The following FBXL13 variants were observed in gnomAD, a reference collection of about 807,000 sequenced individuals.
FBXL13 encodes the protein F-box and leucine rich repeat protein 13.
A neutral mutation model predicts 83.6 loss-of-function variants in FBXL13; 67 were observed. That is an observed-to-expected ratio of 0.80 (90% CI 0.66 to 0.98). FBXL13 has a LOEUF of 0.98. Ranked by LOEUF, FBXL13 falls within the 50% of genes least tolerant of loss-of-function variation. The pLI is 0.00. For synonymous variants in FBXL13, 272 were observed against 299.5 expected, an observed-to-expected ratio of 0.91 and a Z score of 0.95; for missense variants, 822 against 866.5, an observed-to-expected ratio of 0.95 and a Z score of 0.64.
At chr7:102,843,303 C>T (rs139500360) in intron 17 of FBXL13, among the ~76,000 whole-genome samples, 16 of 151,888 alleles carry the variant, frequency 1.1e-4, no homozygotes, top group Admixed American at 3.9e-4. Context: ...ATTACCTGGG[C>T]GTGGTGGCGC....
chr7:102,970,843 TAAG>T (rs1362743976), intron 6 of FBXL13, among the ~76,000 whole-genome samples: 4 of 152,136 alleles, frequency 2.6e-5, no homozygotes, highest in Non-Finnish European at 5.9e-5. Context: ...GCGACTCAGC[TAAG>T]AAGAGAATCA....
chr7:102,818,140 C>T (rs1324676981), intron 19 of FBXL13, among the ~76,000 whole-genome samples: 1 of 152,214 alleles, frequency 6.6e-6, no homozygotes, highest in Non-Finnish European at 1.5e-5. Context: ...GTTGGAGCCA[C>T]CACCAAGGAC....
intron 6 of FBXL13, among the ~76,000 whole-genome samples, chr7:102,998,328 T>C (rs1790028683): frequency 1.3e-5 from 2 of 152,214 alleles, no homozygotes; most frequent in Admixed American, 6.5e-5. Context: ...TGCAAATATT[T>C]TCTCCTATTC....
chr7:103,009,825 C>T (rs1791406117), intron 6 of FBXL13, among the ~76,000 whole-genome samples: 1 of 152,228 alleles, frequency 6.6e-6, no homozygotes, highest in Non-Finnish European at 1.5e-5. Flanking sequence ...GCAACACTTG[C>T]TAGAGCTTGC....
At chr7:102,965,299 T>C (rs1440668715) in intron 7 of FBXL13, among the ~76,000 whole-genome samples, 1 of 152,192 alleles carries the variant, frequency 6.6e-6, no homozygotes, top group Non-Finnish European at 1.5e-5. Flanking sequence ...ATGTTGGCTA[T>C]GACTTAACTA....
At chr7:102,964,870 T>G (rs908854614) in intron 7 of FBXL13, among the ~76,000 whole-genome samples, 2 of 152,204 alleles carry the variant, frequency 1.3e-5, no homozygotes, top group African/African-American at 4.8e-5. Context: ...TGTCTTTCGA[T>G]AGGAGACAGA....
intron 16 of FBXL13, among the ~76,000 whole-genome samples, chr7:102,861,608 A>G (rs1307471486): frequency 6.6e-6 from 1 of 152,258 alleles, no homozygotes; most frequent in Non-Finnish European, 1.5e-5. Context: ...TAGTACACCC[A>G]GAATATTCTG....
chr7:102,854,799 C>T (rs1243175621), exon 17 of FBXL13: 2 of 1,587,238 alleles, frequency 1.3e-6, no homozygotes, highest in African/African-American at 2.7e-5. Context: ...ATCAGTGATT[C>T]TATAACATTC....
At chr7:102,981,667 T>G (rs1828243756) in intron 6 of FBXL13, among the ~76,000 whole-genome samples, 1 of 152,166 alleles carries the variant, frequency 6.6e-6, no homozygotes, top group Admixed American at 6.5e-5. Context: ...AGAGCCCACT[T>G]CCTGGTTTAT....
At chr7:102,937,503 T>A (rs1211442760) in intron 8 of FBXL13, among the ~76,000 whole-genome samples, 7 of 29,202 alleles carry the variant, frequency 2.4e-4, no homozygotes, top group Non-Finnish European at 4.7e-4. Context: ...CAAGACTCTG[T>A]CTCAAAAAAA....
intron 14 of FBXL13, among the ~76,000 whole-genome samples, chr7:102,879,310 A>T (rs576254117): frequency 6.6e-6 from 1 of 152,262 alleles, no homozygotes; most frequent in Admixed American, 6.5e-5. Context: ...CAAAGAACTG[A>T]GCAGTTAAGG....
At chr7:103,028,641 T>C in exon 4 of FBXL13, 1 of 1,597,494 alleles carries the variant, frequency 6.3e-7, no homozygotes, top group Non-Finnish European at 8.5e-7. Flanking sequence ...AGAGTGCCAG[T>C]GATGAAATAC....
chr7:102,871,554 T>A (rs2129456563), intron 16 of FBXL13, among the ~76,000 whole-genome samples: 1 of 150,176 alleles, frequency 6.7e-6, no homozygotes, highest in Non-Finnish European at 1.5e-5. Context: ...CCTGGCTAAA[T>A]TTTTTTTTTC....
intron 11 of FBXL13, among the ~76,000 whole-genome samples, chr7:102,903,884 G>A (rs749029247): frequency 7.0e-6 from 1 of 142,136 alleles, no homozygotes; most frequent in Non-Finnish European, 1.5e-5. Context: ...AGTTTTTTGA[G>A]GATTTTTGCA....
chr7:103,071,813 G>T (rs566360537), intron 1 of FBXL13, among the ~76,000 whole-genome samples: 7 of 152,180 alleles, frequency 4.6e-5, no homozygotes, highest in African/African-American at 1.7e-4. Context: ...AAATATACAG[G>T]GAAAACTTTA....
chr7:102,813,438 G>T, exon 20 of FBXL13: 1 of 1,614,102 alleles, frequency 6.2e-7, no homozygotes, highest in Non-Finnish European at 8.5e-7. Flanking sequence ...CTGTAACAGG[G>T]TTTCCTTCCC....
chr7:103,041,535 G>T (rs1477688669), intron 2 of FBXL13, among the ~76,000 whole-genome samples: 1 of 152,116 alleles, frequency 6.6e-6, no homozygotes, highest in Non-Finnish European at 1.5e-5. Context: ...AGAATTTTAG[G>T]CCAATATCCC....
chr7:103,024,132 A>AG (rs1793548413), intron 6 of FBXL13, among the ~76,000 whole-genome samples: 2 of 139,126 alleles, frequency 1.4e-5, no homozygotes, highest in Non-Finnish European at 3.1e-5. Context: ...AATAAAAGTT[A>AG]AAAAGAGAGA....
chr7:103,017,437 T>C lies in FBXL13; in HGVS notation c.495+7626A>G, dbSNP rs566953711. Among the ~76,000 whole-genome samples, 61 of 151,268 alleles carry C rather than the reference T, an allele frequency of 4.0e-4. 1 individual carries two copies. The South Asian group carries it at 0.012, about 30-fold the overall frequency. On this transcript the variant is annotated intron_variant, in intron 6 of 19. Transcript: ENST00000313221. ...GAGCACCTCTCCCCCTCCAAAGGAA[T>C]GCAGCTCCTCGCCAGGAACAGAACA...
Sources: allele counts gnomAD v4.1 joint callset (sites outside exome capture counted in the v4.1 genomes callset), GRCh38; gene constraint gnomAD v4.1.1; transcripts MANE v1.5; gene names NCBI Gene and HGNC (gene_info 2026-07-23, HGNC 2026-07-21).